Variants in LAMA2 observed in about 807,000 individuals in gnomAD.
The protein encoded by LAMA2 is laminin subunit alpha-2.
A neutral mutation model predicts 364.8 loss-of-function variants in LAMA2; 269 were observed. The ratio of observed to expected loss-of-function variants is 0.74; its 90% confidence interval spans 0.67 to 0.82. LAMA2 has a LOEUF of 0.82. Among genes scored for constraint, LAMA2 ranks in the 40% least tolerant of loss-of-function variants. The pLI, the probability that LAMA2 is intolerant of heterozygous loss-of-function variation, is 0.00. For missense variants in LAMA2, 3,807 were observed against 3,873.2 expected (o/e 0.98, Z 0.45); for synonymous variants, 1,379 against 1,370.6 (o/e 1.01, Z -0.14).
intron 8 of LAMA2, chr6:129,157,974 A>G: frequency 6.2e-7 from 1 of 1,614,004 alleles, no homozygotes. Context: ...TTTAACAGCA[A>G]GGCCCAGGTC....
At chr6:128,911,732 T>TA (rs1330421981) in intron 1 of LAMA2, among the ~76,000 whole-genome samples, 1 of 152,188 alleles carries the variant, frequency 6.6e-6, no homozygotes, top group African/African-American at 2.4e-5. Flanking sequence ...TTGACAAATA[T>TA]ATATATACCC....
chr6:129,440,934 T>C lies in LAMA2; in HGVS notation c.6204T>C (p.Asn2068=). 6.2e-7 allele frequency: 1 copy of C among 1,613,884 alleles called. No homozygotes were observed. The highest frequency in any genetic ancestry group is 1.3e-5 in the African/African-American group (1 of 75,012). ...AGAACCTCGATGGCCTGAAGAAGAATTACAATAAACTAGCAGACAGCGTCG... is the reference window on the plus strand; with the variant it reads ...AGAACCTCGATGGCCTGAAGAAGAACTACAATAAACTAGCAGACAGCGTCG... ...LHQNLDGLKK[N]YNKLADSVAK... Residue 2068 remains asparagine, a synonymous_variant, in exon 43 of 65, where the codon AAT becomes AAC. Coordinates refer to ENST00000421865, the MANE Select transcript of LAMA2 (RefSeq NM_000426.4).
chr6:129,270,536 C>A, intron 16 of LAMA2, 88 bp from the exon 17 acceptor site: 8 of 1,299,284 alleles, frequency 6.2e-6, no homozygotes, highest in Non-Finnish European at 8.9e-6. Flanking sequence ...TGGCAGGGAG[C>A]AGACTAATGA....
At chr6:129,341,985 G>A (rs1053670847) in intron 29 of LAMA2, among the ~76,000 whole-genome samples, 1 of 152,208 alleles carries the variant, frequency 6.6e-6, no homozygotes, top group Non-Finnish European at 1.5e-5. Context: ...CCTGGGATAT[G>A]AAGAAACATA....
chr6:129,433,734 C>G (rs9398903), intron 41 of LAMA2, among the ~76,000 whole-genome samples: 77,718 of 151,812 alleles, frequency 0.51, 20,697 homozygotes, highest in African/African-American at 0.67. Flanking sequence ...AATATAAAAA[C>G]GAAATAAACT....
intron 1 of LAMA2, among the ~76,000 whole-genome samples, chr6:128,980,326 C>T (rs901705773): frequency 3.3e-5 from 5 of 152,134 alleles, no homozygotes; most frequent in Non-Finnish European, 5.9e-5. Flanking sequence ...CTTGAAATGT[C>T]AATACTGCAC....
chr6:129,142,417 G>A (rs1044339712), intron 4 of LAMA2, among the ~76,000 whole-genome samples: 4 of 151,822 alleles, frequency 2.6e-5, no homozygotes, highest in Admixed American at 2.6e-4. Context: ...CTTTTTATTA[G>A]GTCACTAATC....
At chr6:129,312,146 T>A (rs1169851164) in intron 22 of LAMA2, among the ~76,000 whole-genome samples, 1 of 109,338 alleles carries the variant, frequency 9.1e-6, no homozygotes, top group Non-Finnish European at 1.7e-5. Flanking sequence ...TTCCAGTAAG[T>A]TGATGGAAAA....
In LAMA2 at chr6:129,263,717, C is replaced by A. The variant is rs184522344; in HGVS notation, c.2208+2895C>A. On this transcript the variant is annotated intron_variant, in intron 15 of 64. Transcript: ENST00000421865. The stretch of plus-strand genomic sequence containing the variant: ...CAGCAGAGTAGTGGAGTAGTGTAAT[C>A]TGATTTACATTTTTGGGTTTTGGGG... 1.3e-4 allele frequency among the ~76,000 whole-genome samples: 20 copies of A among 152,128 alleles called. No individual in the cohort carries two copies. In the East Asian group the frequency reaches 3.1e-3, roughly 24 times the overall value.
intron 1 of LAMA2, among the ~76,000 whole-genome samples, chr6:128,947,210 CAT>C (rs1273311655): frequency 6.6e-6 from 1 of 152,148 alleles, no homozygotes; most frequent in East Asian, 1.9e-4. Flanking sequence ...AAGAAAGAAA[CAT>C]AAAGAAATAA....
chr6:129,072,980 C>T (rs568330968), intron 3 of LAMA2, among the ~76,000 whole-genome samples: 32 of 151,980 alleles, frequency 2.1e-4, no homozygotes, highest in Non-Finnish European at 3.8e-4. Flanking sequence ...TTATTTATTT[C>T]TGTTAGTAAA....
intron 17 of LAMA2, among the ~76,000 whole-genome samples, chr6:129,271,677 T>C (rs1400961955): frequency 6.6e-6 from 1 of 152,050 alleles, no homozygotes; most frequent in Non-Finnish European, 1.5e-5. Flanking sequence ...AAGGAAATTA[T>C]TTTCTGAAGA....
intron 1 of LAMA2, among the ~76,000 whole-genome samples, chr6:129,048,559 C>T (rs377073390): frequency 2.6e-4 from 29 of 110,214 alleles, no homozygotes; most frequent in South Asian, 9.1e-4. Context: ...CTTTCTCTCT[C>T]TCTCTCTCTT....
At chr6:129,043,815 C>T (rs1300999505) in intron 1 of LAMA2, among the ~76,000 whole-genome samples, 1 of 152,096 alleles carries the variant, frequency 6.6e-6, no homozygotes, top group Non-Finnish European at 1.5e-5. Context: ...CTTGACTGGG[C>T]TCAAAGTCCC....
At chr6:128,950,566 T>A (rs1461906366) in intron 1 of LAMA2, among the ~76,000 whole-genome samples, 1 of 152,142 alleles carries the variant, frequency 6.6e-6, no homozygotes, top group Non-Finnish European at 1.5e-5. Context: ...AGAGTCAACA[T>A]CTGGGAGTAG....
intron 22 of LAMA2, 40 bp downstream of exon 22, chr6:129,300,912 A>T (rs1186536601): frequency 6.2e-7 from 1 of 1,607,908 alleles, no homozygotes; most frequent in South Asian, 1.1e-5. Flanking sequence ...TTTTTTGGAG[A>T]GATTTTTGTT....
intron 24 of LAMA2, 102 bp downstream of exon 24, chr6:129,314,900 A>G (rs1457690784): frequency 1.7e-6 from 2 of 1,204,568 alleles, no homozygotes; most frequent in East Asian, 2.3e-5. Context: ...AAAACATTTA[A>G]GTAACCTTTT....
chr6:129,223,398 T>C (rs1784014943), intron 12 of LAMA2, among the ~76,000 whole-genome samples: 1 of 152,234 alleles, frequency 6.6e-6, no homozygotes, highest in African/African-American at 2.4e-5. Context: ...TTTCGTGTTT[T>C]AGACAAAAAG....
At chr6:129,507,148 CAT>C (rs1484876130) in intron 61 of LAMA2, among the ~76,000 whole-genome samples, 1 of 151,084 alleles carries the variant, frequency 6.6e-6, no homozygotes, top group Non-Finnish European at 1.5e-5. Flanking sequence ...TTAATAGAAA[CAT>C]AAAATCAGGA....
Sources: allele counts gnomAD v4.1 joint callset (sites outside exome capture counted in the v4.1 genomes callset), GRCh38; gene constraint gnomAD v4.1.1; transcripts MANE v1.5; gene names NCBI Gene and HGNC (gene_info 2026-07-23, HGNC 2026-07-21).